The following CPED1 variants were observed in gnomAD, a reference collection of about 807,000 sequenced individuals.
CPED1 encodes cadherin like and PC-esterase domain containing 1.
CPED1 carries 114 observed loss-of-function variants against 128.2 expected under a neutral mutation model. The ratio of observed to expected loss-of-function variants is 0.89; its 90% CI spans 0.76 to 1.04. The LOEUF (loss-of-function observed/expected upper bound fraction) is 1.04, where lower values mean the gene tolerates loss of function less well. CPED1 is among the 50% of genes least tolerant of loss of function. The pLI is 0.00. For missense variants in CPED1, 1,211 were observed against 1,207.1 expected, an observed-to-expected ratio of 1.00 and a Z score of -0.05; for synonymous variants, 462 against 426.7, an observed-to-expected ratio of 1.08 and a Z score of -1.02.
At chr7:121,271,690 G>A (rs2116756253) in intron 22 of CPED1, among the ~76,000 whole-genome samples, 1 of 152,138 alleles carries the variant, frequency 6.6e-6, no homozygotes, top group African/African-American at 2.4e-5. Context: ...CAGGAATATG[G>A]GAACCTGGAG....
intron 4 of CPED1, among the ~76,000 whole-genome samples, chr7:121,061,995 C>T (rs1043835435): frequency 5.3e-5 from 8 of 152,126 alleles, no homozygotes; most frequent in East Asian, 1.9e-4. Flanking sequence ...ACAGTCATGT[C>T]GTCAGCCACA....
chr7:121,206,409 T>C (rs1797515998), intron 16 of CPED1, among the ~76,000 whole-genome samples: 1 of 151,454 alleles, frequency 6.6e-6, no homozygotes, highest in Non-Finnish European at 1.5e-5. Context: ...AATATAGTTT[T>C]CTTTACTAAA....
intron 5 of CPED1, among the ~76,000 whole-genome samples, chr7:121,077,834 C>A (rs986977703): frequency 7.3e-5 from 11 of 151,298 alleles, no homozygotes; most frequent in Admixed American, 6.6e-4. Context: ...TATGGTATTT[C>A]TAGGCTCACA....
chr7:121,029,458 A>G (rs1002171540), intron 3 of CPED1, among the ~76,000 whole-genome samples: 2 of 152,178 alleles, frequency 1.3e-5, no homozygotes, highest in Non-Finnish European at 2.9e-5. Flanking sequence ...AAACTGATGA[A>G]CTTTCTTCTG....
chr7:121,008,587 C>T (rs1585014764), intron 2 of CPED1, among the ~76,000 whole-genome samples: 1 of 120,808 alleles, frequency 8.3e-6, no homozygotes, highest in South Asian at 3.1e-4. Flanking sequence ...AATAGACTTA[C>T]TTTGGATTAA....
At chr7:121,261,641 G>A (rs10953934) in intron 18 of CPED1, 605,641 of 1,609,100 alleles carry the variant, frequency 0.38, 116,955 homozygotes, top group African/African-American at 0.5. Context: ...GTTGGGTGTC[G>A]ATGTCCAGAG....
At chr7:121,285,039 C>T (rs186775519) in intron 22 of CPED1, among the ~76,000 whole-genome samples, 1 of 152,310 alleles carries the variant, frequency 6.6e-6, no homozygotes, top group East Asian at 1.9e-4. Context: ...GACATCCAGG[C>T]GTTTCCATAC....
chr7:121,276,024 A>G (rs1238079549), intron 22 of CPED1, among the ~76,000 whole-genome samples: 1 of 152,010 alleles, frequency 6.6e-6, no homozygotes, highest in African/African-American at 2.4e-5. Flanking sequence ...AAGAACCCAG[A>G]ATTTAACTTT....
chr7:121,063,701 A>G (rs113998927), intron 4 of CPED1, among the ~76,000 whole-genome samples: 139 of 152,298 alleles, frequency 9.1e-4, no homozygotes, highest in African/African-American at 3.1e-3. Flanking sequence ...AGGAGAAGGG[A>G]AGAATTAAAG....
At chr7:121,249,770 ACTAT>A (rs1275203642) in intron 18 of CPED1, among the ~76,000 whole-genome samples, 3 of 152,192 alleles carry the variant, frequency 2.0e-5, no homozygotes, top group African/African-American at 7.2e-5. Context: ...AGAAGAACTA[ACTAT>A]CCTAAATATA....
chr7:121,185,712 C>T (rs1431229482), intron 16 of CPED1, among the ~76,000 whole-genome samples: 2 of 152,166 alleles, frequency 1.3e-5, no homozygotes, highest in African/African-American at 4.8e-5. Flanking sequence ...ACTCCGTGAA[C>T]GTAGGCAAAC....
chr7:121,165,420 A>G (rs1796501020), intron 16 of CPED1, among the ~76,000 whole-genome samples: 1 of 152,320 alleles, frequency 6.6e-6, no homozygotes, highest in East Asian at 1.9e-4. Flanking sequence ...GGATCTGTTC[A>G]TTAATGACCA....
intron 3 of CPED1, among the ~76,000 whole-genome samples, chr7:121,025,774 A>G (rs1205194311): frequency 6.6e-6 from 1 of 151,844 alleles, no homozygotes; most frequent in African/African-American, 2.4e-5. Context: ...AATTTTTTGT[A>G]CTCTGCAAAT....
chr7:121,108,663 G>T (rs1248816654), intron 7 of CPED1, among the ~76,000 whole-genome samples: 1 of 152,012 alleles, frequency 6.6e-6, no homozygotes, highest in African/African-American at 2.4e-5. Flanking sequence ...ATTTACTTGA[G>T]AGTGGTATAA....
At chr7:120,999,684 G>A (rs899096922) in intron 2 of CPED1, among the ~76,000 whole-genome samples, 27 of 152,130 alleles carry the variant, frequency 1.8e-4, no homozygotes, top group African/African-American at 6.0e-4. Flanking sequence ...TAACAGGTAC[G>A]CAACTTCCAT....
At position 121,110,271 on chromosome 7, in the gene CPED1, A is replaced by G. The variant is rs538970098; in HGVS notation, c.918+10177A>G. ...TTGGGCTCCAGTAGCATAGCAGGAA[A>G]CAAGGCAAAGTCCCTGCCTTTGTAA... On this transcript the variant is annotated intron_variant, in intron 7 of 22. Transcript: ENST00000310396. Among the ~76,000 whole-genome samples the G allele has an allele frequency of 2.6e-5, 4 of 152,338 alleles. No homozygotes were observed. The South Asian group carries it at 8.3e-4, about 32-fold the overall frequency.
chr7:121,026,310 C>T (rs1792580362), intron 3 of CPED1, among the ~76,000 whole-genome samples: 1 of 152,128 alleles, frequency 6.6e-6, no homozygotes, highest in South Asian at 2.1e-4. Context: ...TTTCTCTTTC[C>T]TGAAATCACA....
chr7:121,135,012 CAAAT>C (rs1192663301), intron 13 of CPED1, among the ~76,000 whole-genome samples: 1 of 151,772 alleles, frequency 6.6e-6, no homozygotes, highest in Non-Finnish European at 1.5e-5. Flanking sequence ...CTAGAGTCAT[CAAAT>C]AAAATGTTAT....
intron 16 of CPED1, among the ~76,000 whole-genome samples, chr7:121,185,966 A>G (rs1193491825): frequency 1.3e-5 from 2 of 152,212 alleles, no homozygotes; most frequent in East Asian, 1.9e-4. Flanking sequence ...GATTAGTCAT[A>G]TATCGTGTTT....
Sources: allele counts gnomAD v4.1 joint callset (sites outside exome capture counted in the v4.1 genomes callset), GRCh38; gene constraint gnomAD v4.1.1; transcripts MANE v1.5; gene names NCBI Gene and HGNC (gene_info 2026-07-23, HGNC 2026-07-21).